NUP35: variants seen among roughly 807,000 people sequenced by gnomAD.
NUP35 encodes nucleoporin 35.
A neutral mutation model predicts 41.5 loss-of-function variants in NUP35; 25 were observed. The ratio of observed to expected loss-of-function variants is 0.60; its 90% CI spans 0.44 to 0.84. The LOEUF is 0.84. Among genes scored for constraint, NUP35 ranks in the 40% least tolerant of loss-of-function variants. The pLI, the probability that NUP35 is intolerant of heterozygous loss-of-function variation, is 0.00. For missense variants in NUP35, 396 were observed against 396.6 expected (o/e 1.00, Z 0.01); for synonymous variants, 149 against 130.7 (o/e 1.14, Z -0.96).
At chr2:183,138,334 C>G (rs1684967538) in intron 4 of NUP35, among the ~76,000 whole-genome samples, 1 of 130,396 alleles carries the variant, frequency 7.7e-6, no homozygotes, top group Admixed American at 8.6e-5. Context: ...ATTAGTAAAT[C>G]TTAGCTTTCT....
At chr2:183,158,460 A>G in intron 7 of NUP35, 49 bp downstream of exon 7, 2 of 1,490,416 alleles carry the variant, frequency 1.3e-6, no homozygotes, top group Non-Finnish European at 1.8e-6. Context: ...TATGAAGAGC[A>G]CAAGACCAAG....
chr2:183,121,945 C>T (rs182407602), upstream of NUP35, among the ~76,000 whole-genome samples: 620 of 57,206 alleles, frequency 0.011, 3 homozygotes, highest in Middle Eastern at 0.062. Flanking sequence ...ACTTTAAGTT[C>T]TAGGGTACAT....
At chr2:183,132,966 C>A (rs972410819) in intron 3 of NUP35, among the ~76,000 whole-genome samples, 1 of 152,134 alleles carries the variant, frequency 6.6e-6, no homozygotes, top group Non-Finnish European at 1.5e-5. Context: ...TTATTGAGTT[C>A]TAGAGAGATT....
chr2:183,159,208 G>A (rs186585861), intron 7 of NUP35, among the ~76,000 whole-genome samples: 14 of 152,208 alleles, frequency 9.2e-5, no homozygotes, highest in Admixed American at 2.6e-4. Flanking sequence ...TTTTGTCCTT[G>A]CTGATTTTTC....
At chr2:183,140,221 C>G (rs1685039533) in intron 4 of NUP35, among the ~76,000 whole-genome samples, 1 of 152,072 alleles carries the variant, frequency 6.6e-6, no homozygotes, top group Admixed American at 6.6e-5. Context: ...TTTCTGGAGG[C>G]CCTAGAGGAG....
chr2:183,152,777 G>A (rs192340273), intron 5 of NUP35, among the ~76,000 whole-genome samples: 28 of 152,190 alleles, frequency 1.8e-4, no homozygotes, highest in African/African-American at 3.1e-4. Flanking sequence ...TTATTCAGCC[G>A]TTCACATCTA....
intron 7 of NUP35, among the ~76,000 whole-genome samples, chr2:183,158,734 G>T (rs1315516897): frequency 6.6e-6 from 1 of 152,052 alleles, no homozygotes; most frequent in African/African-American, 2.4e-5. Context: ...CTTGTGCAAA[G>T]CGATACCAGA....
chr2:183,123,048 G>T (rs1390542958), upstream of NUP35, among the ~76,000 whole-genome samples: 1 of 152,200 alleles, frequency 6.6e-6, no homozygotes, highest in Non-Finnish European at 1.5e-5. Context: ...GTGTCAGACA[G>T]ACCAAAGATG....
chr2:183,151,898 C>T (rs1257418986), intron 5 of NUP35, among the ~76,000 whole-genome samples: 1 of 152,066 alleles, frequency 6.6e-6, no homozygotes, highest in Admixed American at 6.5e-5. Context: ...CTTGAGCATG[C>T]ATGTCATTAA....
intron 4 of NUP35, among the ~76,000 whole-genome samples, chr2:183,138,750 C>G (rs1684981994): frequency 6.6e-6 from 1 of 151,112 alleles, no homozygotes; most frequent in Admixed American, 6.6e-5. Context: ...TATATTAGCT[C>G]TCTTCCAAAA....
chr2:183,156,484 T>C (rs6713182), intron 5 of NUP35, among the ~76,000 whole-genome samples: 38,788 of 151,930 alleles, frequency 0.26, 5,321 homozygotes, highest in African/African-American at 0.35. Context: ...GGATTACAGG[T>C]GCCCGCCACC....
intron 4 of NUP35, among the ~76,000 whole-genome samples, chr2:183,136,659 A>G (rs909579879): frequency 6.6e-6 from 1 of 152,184 alleles, no homozygotes. Context: ...CAGGCCCATG[A>G]GGATAATCTG....
intron 5 of NUP35, 81 bp from the exon 6 acceptor site, chr2:183,157,363 C>T: frequency 2.8e-6 from 3 of 1,055,452 alleles, no homozygotes; most frequent in Non-Finnish European, 4.4e-6. Context: ...GGCCATTTAT[C>T]TTGAAACATT....
chr2:183,142,077 G>A (rs1381476735), intron 4 of NUP35, among the ~76,000 whole-genome samples: 2 of 152,180 alleles, frequency 1.3e-5, no homozygotes, highest in African/African-American at 4.8e-5. Flanking sequence ...GCCTTCCAGT[G>A]TTCTGTGGAA....
At chr2:183,128,599 TAAA>T (rs34331888) in intron 2 of NUP35, 142 bp downstream of exon 2, 4,899 of 367,360 alleles carry the variant, frequency 0.013, no homozygotes, top group Non-Finnish European at 0.017. Flanking sequence ...GCTGATGAGC[TAAA>T]AAAAAAAAAA....
intron 3 of NUP35, 117 bp from the exon 4 acceptor site, chr2:183,133,449 A>G: frequency 1.3e-6 from 1 of 750,664 alleles, no homozygotes; most frequent in Non-Finnish European, 2.1e-6. Flanking sequence ...CTTTGAGCTA[A>G]TTAGAGGCAT....
At chr2:183,120,642 C>T (rs1700054753), upstream of NUP35, among the ~76,000 whole-genome samples, 1 of 152,020 alleles carries the variant, frequency 6.6e-6, no homozygotes, top group African/African-American at 2.4e-5. Flanking sequence ...CTAAGAATAA[C>T]CATTTTTCAA....
chr2:183,135,956 G>A (rs1168993709), intron 4 of NUP35, among the ~76,000 whole-genome samples: 5 of 151,948 alleles, frequency 3.3e-5, no homozygotes, highest in Non-Finnish European at 7.4e-5. Flanking sequence ...CTCTGGTTAA[G>A]GCAGGTATTG....
intron 4 of NUP35, among the ~76,000 whole-genome samples, chr2:183,138,794 T>A (rs1392119092): frequency 1.4e-5 from 2 of 140,526 alleles, no homozygotes; most frequent in East Asian, 4.0e-4. Context: ...TAGAATCATT[T>A]GTGTTAGCAT....
Sources: allele counts gnomAD v4.1 joint callset (sites outside exome capture counted in the v4.1 genomes callset), GRCh38; gene constraint gnomAD v4.1.1; transcripts MANE v1.5; gene names NCBI Gene and HGNC (gene_info 2026-07-23, HGNC 2026-07-21).